Variants in SBNO2 observed in about 807,000 individuals in gnomAD.
SBNO2 encodes protein strawberry notch homolog 2.
SBNO2 carries 89 observed loss-of-function variants against 146.3 expected under a neutral mutation model. That is an observed-to-expected ratio of 0.61 (90% confidence interval 0.51 to 0.73). The LOEUF is 0.73. Ranked by LOEUF, SBNO2 falls within the 30% of genes least tolerant of loss-of-function variation. The probability of loss-of-function intolerance (pLI) is 0.00; values close to 1 mark genes in which losing one functional copy is unlikely to be tolerated. For missense variants in SBNO2, 2,092 were observed against 2,003.7 expected, an observed-to-expected ratio of 1.04 and a Z score of -0.84; for synonymous variants, 1,147 against 892.6, an observed-to-expected ratio of 1.29 and a Z score of -5.08.
intron 4 of SBNO2, among the ~76,000 whole-genome samples, chr19:1,133,272 G>C (rs980592237): frequency 1.3e-5 from 2 of 152,192 alleles, no homozygotes; most frequent in African/African-American, 4.8e-5. Context: ...CTCTGTGAGG[G>C]GAGGAAGGGC....
At chr19:1,166,056 AGACCCC>A (rs1490423191) in intron 1 of SBNO2, among the ~76,000 whole-genome samples, 1 of 52,370 alleles carries the variant, frequency 1.9e-5, no homozygotes, top group Non-Finnish European at 3.7e-5. Flanking sequence ...CCCAGATCCC[AGACCCC>A]AGACCCCCAG....
chr19:1,169,354 C>T (rs963177568), intron 1 of SBNO2, among the ~76,000 whole-genome samples: 3 of 152,236 alleles, frequency 2.0e-5, no homozygotes, highest in African/African-American at 4.8e-5. Flanking sequence ...CTGAGGCCTC[C>T]GTGGGACTGA....
chr19:1,163,943 T>C (rs1303972115), intron 1 of SBNO2, among the ~76,000 whole-genome samples: 2 of 152,162 alleles, frequency 1.3e-5, no homozygotes, highest in Admixed American at 6.5e-5. Flanking sequence ...CACGTGCTTC[T>C]CTCACAGGGA....
rs955520717 is a variant in SBNO2, at chr19:1,157,005, GC to G, written c.-126-2604del. 1.5e-4 allele frequency among the ~76,000 whole-genome samples: 11 copies of G among 72,638 alleles called. No homozygotes were observed. The highest frequency in any genetic ancestry group is 3.4e-4 in the African/African-American group (10 of 28,996). 47.7% of individuals were successfully genotyped at this position (72,638 alleles called of 152,430 possible). ...AGCCCTGCCTTTCCGCCCACTGCCA[GC>G]CCCCCATCGCCTCCCACCCTGTCCT... On this transcript the variant is annotated intron_variant, in intron 1 of 31. Transcript: ENST00000361757. The surrounding 1 kb of genome is among the most constrained non-coding windows in gnomAD (Gnocchi z 6.8).
In SBNO2 at chr19:1,123,517, G is replaced by A. The variant is rs1397047352; in HGVS notation, c.628+17C>T. 4 of 1,606,938 alleles carry A rather than the reference G, an allele frequency of 2.5e-6. No individual in the cohort carries two copies. Among genetic ancestry groups the A allele is most frequent in the Non-Finnish European group, 3.4e-6 (4 of 1,174,320 alleles). On this transcript the variant is annotated intron_variant, in intron 7 of 31. Coordinates refer to ENST00000361757, the MANE Select transcript of SBNO2 (RefSeq NM_014963.3). ...GTTTGAACCTGTCCCAGGGCTGGGT[G>A]CAGCCGGGCCACTCACACTTGGACG...
chr19:1,171,104 AAC>A (rs1183114911), intron 1 of SBNO2, among the ~76,000 whole-genome samples: 1 of 151,862 alleles, frequency 6.6e-6, no homozygotes, highest in African/African-American at 2.4e-5. Context: ...AGGCACACAC[AAC>A]ACACAAACAC....
intron 4 of SBNO2, among the ~76,000 whole-genome samples, chr19:1,132,586 A>G (rs1240663544): frequency 3.9e-5 from 6 of 152,302 alleles, no homozygotes; most frequent in Admixed American, 1.3e-4. Flanking sequence ...AACCACAGGC[A>G]GGGAAACTGC....
intron 30 of SBNO2, 23 bp from the exon 31 acceptor site, chr19:1,108,992 C>G: frequency 6.7e-7 from 1 of 1,494,900 alleles, no homozygotes; most frequent in Non-Finnish European, 8.9e-7. Context: ...CGGGTCGTCT[C>G]GGCTCAGGCG....
rs2079780393 is a variant in SBNO2 at position 1,112,709 on chromosome 19, G to A, written c.2379+109C>T. The A allele has an allele frequency of 1.4e-6, 2 of 1,441,252 alleles. No homozygotes were observed. The highest frequency in any genetic ancestry group is 2.5e-4 in the Middle Eastern group (1 of 4,046). The allele number at this position is 1,441,252 out of a possible 1,614,324, so 89.3% of individuals were successfully genotyped here. A position where few individuals can be genotyped will look rare whatever the true frequency, so the allele number is the denominator to read the frequency against. ...ACACGGCCACTCGCGCCCGCACCTGGCACACACACACTCCAGAAGTGCGCG... is the reference window on the plus strand; with the variant it reads ...ACACGGCCACTCGCGCCCGCACCTGACACACACACACTCCAGAAGTGCGCG... On this transcript the variant is annotated intron_variant, in intron 20 of 31. Transcript: ENST00000361757. The surrounding 1 kb of genome is among the most constrained non-coding windows in gnomAD (Gnocchi z 5.9).
At chr19:1,172,908 G>C (rs1398997149) in intron 1 of SBNO2, among the ~76,000 whole-genome samples, 1 of 151,774 alleles carries the variant, frequency 6.6e-6, no homozygotes, top group Non-Finnish European at 1.5e-5. Context: ...GTCACAGGCA[G>C]GAAGGACGTT....
chr19:1,148,029 G>A (rs953372563), intron 3 of SBNO2, among the ~76,000 whole-genome samples: 6 of 151,878 alleles, frequency 4.0e-5, no homozygotes, highest in Middle Eastern at 6.8e-3. Flanking sequence ...TCCCCACTCC[G>A]GCCCCCTTGG....
rs902193065 is a variant in SBNO2 at position 1,136,758 on chromosome 19, A to G, written c.280-8993T>C. Among the ~76,000 whole-genome samples the G allele has an allele frequency of 2.0e-5, 3 of 152,156 alleles. No homozygotes were observed. Among genetic ancestry groups the G allele is most frequent in the African/African-American group, 4.8e-5 (2 of 41,444 alleles). ...CTGAAACGCATCTGCAGAACAGTCA[A>G]TGCTGCCTGCCTCCCTGCCTGAAAG... On this transcript the variant is annotated intron_variant, in intron 4 of 31. Coordinates refer to ENST00000361757, the MANE Select transcript of SBNO2 (RefSeq NM_014963.3). This position sits in a 1 kb window ranked among gnomAD's most constrained non-coding sequence, Gnocchi z 4.2.
intron 2 of SBNO2, among the ~76,000 whole-genome samples, chr19:1,152,680 T>C (rs2080253955): frequency 6.6e-6 from 1 of 152,086 alleles, no homozygotes; most frequent in African/African-American, 2.4e-5. Context: ...CTCTGGACGG[T>C]CAGAACATGG....
At chr19:1,163,914 G>C (rs1363802678) in intron 1 of SBNO2, among the ~76,000 whole-genome samples, 7 of 152,164 alleles carry the variant, frequency 4.6e-5, no homozygotes, top group African/African-American at 1.7e-4. Context: ...CAGCCTCACC[G>C]CCCCATACCC....
Position 1,109,594 on chromosome 19 carries a change from C to A in SBNO2, c.3128G>T (p.Ser1043Ile). ...QDGQVVFYKI[S>I]VDRGLKWEDA... ...CTCCCACTTCAGGCCGCGGTCCACG[C>A]TGATCTGCCACGGCACGGGGTGGGG... The change falls in exon 28 of 32, where the codon AGC becomes ATC. Residue 1043 changes from serine to isoleucine, a missense_variant. Coordinates refer to ENST00000361757, the MANE Select transcript of SBNO2 (RefSeq NM_014963.3). This position sits in a 1 kb window ranked among gnomAD's most constrained non-coding sequence, Gnocchi z 4.2. 6.3e-7 allele frequency: 1 copy of A among 1,582,436 alleles called. No homozygotes were observed. Among genetic ancestry groups the A allele is most frequent in the Non-Finnish European group, 8.6e-7 (1 of 1,165,818 alleles).
chr19:1,132,144 G>A, intron 4 of SBNO2: 5 of 1,493,834 alleles, frequency 3.3e-6, no homozygotes, highest in Non-Finnish European at 3.6e-6. Flanking sequence ...TGGTCCCGGC[G>A]CTCGGGGGGC....
At chr19:1,145,488 A>T in intron 4 of SBNO2, among the ~76,000 whole-genome samples, 1 of 150,210 alleles carries the variant, frequency 6.7e-6, no homozygotes, top group East Asian at 1.9e-4. Context: ...AAAAAAAAAA[A>T]GAAAGAAAGA....
At position 1,108,601 on chromosome 19, in the gene SBNO2, G is replaced by A. The variant is rs927543112; in HGVS notation, c.3720C>T (p.Ala1240=). The change falls in exon 32 of 32, where the codon GCC becomes GCT. Residue 1240 remains alanine, a synonymous_variant. Coordinates refer to ENST00000361757, the MANE Select transcript of SBNO2 (RefSeq NM_014963.3). The part of the protein sequence containing the change: ...RRQAPALGCP[A]PPAPRPLALP... ...GCGCCAGCGGGCGCGGGGCGGGCGG[G>A]GCGGGGCAGCCCAGGGCGGGCGCCT... 5 of 1,364,198 alleles carry A rather than the reference G, an allele frequency of 3.7e-6. No homozygotes were observed. The African/African-American group carries it at 6.3e-5, about 17-fold the overall frequency. The allele number at this position is 1,364,198 out of a possible 1,614,324, so 84.5% of individuals were successfully genotyped here. A position where few individuals can be genotyped will look rare whatever the true frequency, so the allele number is the denominator to read the frequency against.
chr19:1,161,859 A>G (rs1275003345), intron 1 of SBNO2, among the ~76,000 whole-genome samples: 1 of 126,138 alleles, frequency 7.9e-6, no homozygotes, highest in Non-Finnish European at 1.6e-5. Context: ...GTCAGGCGGC[A>G]GGGCCAGGAG....
Sources: gnomAD v4.1 joint callset for allele counts (sites outside exome capture counted in the v4.1 genomes callset) on GRCh38, gnomAD v4.1.1 for gene constraint, Gnocchi (gnomAD v3.1) non-coding constraint, MANE v1.5 for transcripts, NCBI Gene and HGNC (gene_info 2026-07-23, HGNC 2026-07-21) for gene names.